Variants in PCDHGB5 observed in about 807,000 individuals in gnomAD.
PCDHGB5 encodes protocadherin gamma-B5.
A neutral mutation model predicts 62.9 loss-of-function variants in PCDHGB5; 48 were observed. The observed-to-expected ratio is 0.76, with a 90% CI of 0.61 to 0.97. PCDHGB5 has a LOEUF of 0.97. Among genes scored for constraint, PCDHGB5 ranks in the 50% least tolerant of loss-of-function variants. The pLI is 0.00. For synonymous variants in PCDHGB5, 474 were observed against 511.2 expected, an observed-to-expected ratio of 0.93 and a Z score of 0.98; for missense variants, 1,118 against 1,198.6, an observed-to-expected ratio of 0.93 and a Z score of 0.99.
chr5:141,423,887 T>C, intron 1 of PCDHGB5: 2 of 1,282,240 alleles, frequency 1.6e-6, no homozygotes, highest in Non-Finnish European at 2.0e-6. Context: ...CTTGGCATAT[T>C]TTCTTTTGAT....
chr5:141,477,438 C>A lies in PCDHGB5; in HGVS notation c.2398-17369C>A, dbSNP rs1386997844. The A allele has an allele frequency of 3.1e-6, 5 of 1,614,174 alleles. No individual in the cohort carries two copies. The Admixed American group carries it at 6.7e-5, about 22-fold the overall frequency. On this transcript the variant is annotated intron_variant, in intron 1 of 3. Coordinates refer to ENST00000617380, the MANE Select transcript of PCDHGB5 (RefSeq NM_018925.3). The surrounding 1 kb of genome is among the most constrained non-coding windows in gnomAD (Gnocchi z 4.9). ...GGAACCCCTTCCCTCTCAGCCCTTA[C>A]AATAGTGCGTGTTCAAGTGTCCGAC...
At chr5:141,400,654 C>A in intron 1 of PCDHGB5, 130 bp downstream of exon 1, 1 of 1,142,176 alleles carries the variant, frequency 8.8e-7, no homozygotes, top group Non-Finnish European at 1.3e-6. Context: ...AGCTGTCCTA[C>A]CATTCTTTAA....
At chr5:141,409,769 G>T (rs1413636372) in intron 1 of PCDHGB5, 3 of 1,612,776 alleles carry the variant, frequency 1.9e-6, no homozygotes, top group Middle Eastern at 1.7e-4. Flanking sequence ...CTTTGATCAC[G>T]AGCAGCTGCG....
chr5:141,488,572 T>C (rs888054788), intron 1 of PCDHGB5, among the ~76,000 whole-genome samples: 28 of 152,212 alleles, frequency 1.8e-4, no homozygotes, highest in African/African-American at 6.8e-4. Flanking sequence ...CCGCAAAGCA[T>C]TGCTGGAGAG....
chr5:141,439,297 G>T (rs1252051365), intron 1 of PCDHGB5, among the ~76,000 whole-genome samples: 1 of 152,064 alleles, frequency 6.6e-6, no homozygotes, highest in African/African-American at 2.4e-5. Context: ...CATGGAAAAA[G>T]TAAAGCCCAG....
Position 141,398,908 on chromosome 5 carries a change from G to C in PCDHGB5, c.781G>C (p.Val261Leu), listed in dbSNP as rs2093725359. 6.2e-7 allele frequency: 1 copy of C among 1,613,860 alleles called. No homozygotes were observed. Among genetic ancestry groups the C allele is most frequent in the South Asian group, 1.1e-5 (1 of 91,088 alleles). ...LRENVPPGTT[V>L]LQVSATDQDE... ...GGAAAACGTGCCACCAGGCACCACTGTGTTGCAAGTGTCAGCCACTGACCA... is the reference window on the plus strand; with the variant it reads ...GGAAAACGTGCCACCAGGCACCACTCTGTTGCAAGTGTCAGCCACTGACCA... Residue 261 changes from valine to leucine, a missense_variant, in exon 1 of 4, where the codon GTG (valine) becomes CTG (leucine). Around this residue, in one of 2 missense-constraint regions of PCDHGB5, gnomAD observed 1,034 missense variants for 1,029.1 expected, o/e 1.00. Coordinates refer to ENST00000617380, the MANE Select transcript of PCDHGB5 (RefSeq NM_018925.3).
At chr5:141,478,412 TC>T in intron 1 of PCDHGB5, 2 of 1,611,958 alleles carry the variant, frequency 1.2e-6, no homozygotes, top group Non-Finnish European at 1.7e-6. Flanking sequence ...CACCACGGAC[TC>T]CCGCCGCAGC....
Position 141,404,163 on chromosome 5 carries a change from T to C in PCDHGB5, c.2397+3639T>C, listed in dbSNP as rs372897104. The C allele has an allele frequency of 4.6e-5, 74 of 1,613,126 alleles. No homozygotes were observed. The South Asian group carries it at 7.9e-4, about 17-fold the overall frequency. ...AATTCAGAAGAAGATTATTACAGATTGTTGACGGCCCAAATTCTTGACCGA... is the reference window on the plus strand; with the variant it reads ...AATTCAGAAGAAGATTATTACAGATCGTTGACGGCCCAAATTCTTGACCGA... On this transcript the variant is annotated intron_variant, in intron 1 of 3. Transcript: ENST00000617380.
chr5:141,413,601 A>T (rs2095657842), intron 1 of PCDHGB5: 1 of 1,613,814 alleles, frequency 6.2e-7, no homozygotes, highest in African/African-American at 1.3e-5. Flanking sequence ...CAGAAAATCT[A>T]GACGTAAAAA....
rs4042104 is a variant in PCDHGB5 at position 141,489,091 on chromosome 5, T to TAAG, written c.2398-5713_2398-5711dup. On this transcript the variant is annotated intron_variant, in intron 1 of 3. Transcript: ENST00000617380. This position sits in a 1 kb window ranked among gnomAD's most constrained non-coding sequence, Gnocchi z 4.5. Reference sequence around the variant, plus strand: ...CTGCCCACCCCCGCCACTCGGTGACTAAGAACTGCTGCAAGCAGGCAAACC... The same window carrying TAAG: ...CTGCCCACCCCCGCCACTCGGTGACTAAGAAGAACTGCTGCAAGCAGGCAAACC... 136,009 of 332,164 alleles carry TAAG rather than the reference T, an allele frequency of 0.41. 28,517 individuals are homozygous for TAAG. The highest frequency in any genetic ancestry group is 0.54 in the Admixed American group (11,651 of 21,676). The allele number at this position is 332,164 out of a possible 1,614,324, so 20.6% of individuals were successfully genotyped here.
At chr5:141,464,044 C>T (rs898632465) in intron 1 of PCDHGB5, among the ~76,000 whole-genome samples, 1 of 152,086 alleles carries the variant, frequency 6.6e-6, no homozygotes, top group African/African-American at 2.4e-5. Context: ...GCGGGTGGAT[C>T]ACCTGAGGTC....
intron 1 of PCDHGB5, chr5:141,428,105 G>A: frequency 1.9e-6 from 3 of 1,608,184 alleles, no homozygotes; most frequent in Admixed American, 1.7e-5. Flanking sequence ...ACCACGTGCT[G>A]CAGGCCATCG....
chr5:141,419,564 C>A (rs2096400387), intron 1 of PCDHGB5: 5 of 1,611,832 alleles, frequency 3.1e-6, no homozygotes, highest in Non-Finnish European at 4.2e-6. Context: ...TGCGCTGGGT[C>A]CCGACGGCTC....
chr5:141,430,365 G>GA lies in PCDHGB5; in HGVS notation c.2397+29849dup, dbSNP rs202146484. Among the ~76,000 whole-genome samples, 583 of 147,736 alleles carry GA rather than the reference G, an allele frequency of 3.9e-3. 6 individuals are homozygous for GA. The highest frequency in any genetic ancestry group is 0.011 in the Admixed American group (169 of 14,894). On this transcript the variant is annotated intron_variant, in intron 1 of 3. Coordinates refer to ENST00000617380, the MANE Select transcript of PCDHGB5 (RefSeq NM_018925.3). ...CCAATTCATTTAAAAGCTCATTGGG[G>GA]AAAAAAAAGCTCATTGGGAAAAAAA...
rs578223384 is a variant in PCDHGB5 at position 141,400,070 on chromosome 5, C to T, written c.1943C>T (p.Pro648Leu). ...LLVAVRDGGQ[P>L]PLSATATLHL... Reference sequence around the variant, plus strand: ...GTTGCTGTGCGTGATGGTGGACAGCCGCCACTCTCCGCCACCGCCACGCTG... The same window carrying T: ...GTTGCTGTGCGTGATGGTGGACAGCTGCCACTCTCCGCCACCGCCACGCTG... Residue 648 changes from proline to leucine, a missense_variant, in exon 1 of 4, where the codon CCG becomes CTG. By Grantham distance (98) the Pro-to-Leu change is moderately conservative. Around this residue, in one of 2 missense-constraint regions of PCDHGB5, gnomAD observed 1,034 missense variants for 1,029.1 expected, o/e 1.00. Coordinates refer to ENST00000617380, the MANE Select transcript of PCDHGB5 (RefSeq NM_018925.3). 1.2e-6 allele frequency: 2 copies of T among 1,613,922 alleles called. No individual in the cohort carries two copies. Among genetic ancestry groups the T allele is most frequent in the African/African-American group, 1.3e-5 (1 of 75,062 alleles).
At chr5:141,453,786 A>G (rs2098774297) in intron 1 of PCDHGB5, among the ~76,000 whole-genome samples, 1 of 152,252 alleles carries the variant, frequency 6.6e-6, no homozygotes, top group Non-Finnish European at 1.5e-5. Flanking sequence ...TTACCATGGT[A>G]TATTAACTTT....
chr5:141,430,399 T>C (rs2097282187), intron 1 of PCDHGB5, among the ~76,000 whole-genome samples: 1 of 150,106 alleles, frequency 6.7e-6, no homozygotes, highest in African/African-American at 2.4e-5. Flanking sequence ...AAAAAAAAGC[T>C]CACTAAAGTT....
Position 141,432,812 on chromosome 5 carries a change from G to A in PCDHGB5, c.2397+32288G>A, listed in dbSNP as rs753429933. ...CAGCCTCGAGTCTCCAGCTAACTCT[G>A]AAACCTCAGACCTCACTCTGTACCT... On this transcript the variant is annotated intron_variant, in intron 1 of 3. Coordinates refer to ENST00000617380, the MANE Select transcript of PCDHGB5 (RefSeq NM_018925.3). This position sits in a 1 kb window ranked among gnomAD's most constrained non-coding sequence, Gnocchi z 6.0. 1.2e-6 allele frequency: 2 copies of A among 1,614,176 alleles called. No homozygotes were observed. Among genetic ancestry groups the A allele is most frequent in the Non-Finnish European group, 1.7e-6 (2 of 1,180,014 alleles).
At chr5:141,495,065 T>C (rs1413025171) in intron 2 of PCDHGB5, among the ~76,000 whole-genome samples, 200 bp downstream of exon 2, 1 of 152,148 alleles carries the variant, frequency 6.6e-6, no homozygotes, top group Admixed American at 6.5e-5. Flanking sequence ...TTCAGGAAGC[T>C]CAATTCACAT....
Sources: allele counts gnomAD v4.1 joint callset (sites outside exome capture counted in the v4.1 genomes callset), GRCh38; gene constraint gnomAD v4.1.1; regional missense constraint gnomAD v4.1.1; non-coding constraint Gnocchi (gnomAD v3.1); transcripts MANE v1.5; gene names NCBI Gene and HGNC (gene_info 2026-07-23, HGNC 2026-07-21).